Variants in RTN4RL1 observed in about 807,000 individuals in gnomAD.
RTN4RL1 encodes the protein reticulon-4 receptor-like 1.
RTN4RL1 carries 7 observed loss-of-function variants against 25.6 expected under a neutral mutation model. The ratio of observed to expected loss-of-function variants is 0.27; its 90% CI spans 0.16 to 0.51. The LOEUF (loss-of-function observed/expected upper bound fraction) is 0.51. Ranked by LOEUF, RTN4RL1 falls within the 20% of genes least tolerant of loss-of-function variation. The pLI, the probability that RTN4RL1 is intolerant of heterozygous loss-of-function variation, is 0.97. For missense variants in RTN4RL1, 500 were observed against 615.6 expected (o/e 0.81, Z 1.99); for synonymous variants, 297 against 288.2 (o/e 1.03, Z -0.31).
At chr17:2,019,887 A>G (rs532256356) in intron 1 of RTN4RL1, 2 of 152,336 alleles carry the variant, frequency 1.3e-5, no homozygotes, top group East Asian at 1.9e-4. Context: ...CACATTTTCT[A>G]TGTTGTCTGA....
chr17:2,000,930 GA>G (rs2066954215), intron 1 of RTN4RL1, among the ~76,000 whole-genome samples: 1 of 152,210 alleles, frequency 6.6e-6, no homozygotes, highest in Admixed American at 6.5e-5. Context: ...ATACTGCATG[GA>G]AACAGCTGTG....
At chr17:2,006,256 C>G (rs1056800212) in intron 1 of RTN4RL1, among the ~76,000 whole-genome samples, 7 of 151,680 alleles carry the variant, frequency 4.6e-5, no homozygotes, top group Admixed American at 2.0e-4. Context: ...CTCCCAGGTT[C>G]AAGCAATTCT....
chr17:1,991,895 G>C (rs2066910517), intron 1 of RTN4RL1, among the ~76,000 whole-genome samples: 2 of 152,164 alleles, frequency 1.3e-5, no homozygotes, highest in South Asian at 4.1e-4. Flanking sequence ...AAGTGGAATT[G>C]CTCTATTTAC....
chr17:1,996,665 G>A (rs1039276097), intron 1 of RTN4RL1, among the ~76,000 whole-genome samples: 1 of 152,248 alleles, frequency 6.6e-6, no homozygotes, highest in Non-Finnish European at 1.5e-5. Context: ...GTAAACAGCA[G>A]ACGCCTTTGA....
intron 1 of RTN4RL1, among the ~76,000 whole-genome samples, chr17:1,992,911 T>C (rs959248194): frequency 6.6e-6 from 1 of 152,192 alleles, no homozygotes; most frequent in Non-Finnish European, 1.5e-5. Context: ...TCTCTTTGAA[T>C]GGATGCGGCC....
chr17:1,939,447 G>T (rs1309888567), intron 1 of RTN4RL1, among the ~76,000 whole-genome samples: 2 of 151,946 alleles, frequency 1.3e-5, no homozygotes, highest in Non-Finnish European at 2.9e-5. Context: ...TCCTGAGAGG[G>T]CGCCTGTCTG....
At chr17:1,948,233 A>C (rs1002474309) in intron 1 of RTN4RL1, among the ~76,000 whole-genome samples, 1 of 152,124 alleles carries the variant, frequency 6.6e-6, no homozygotes, top group Non-Finnish European at 1.5e-5. Flanking sequence ...AGCCAGCCCC[A>C]CCTGGTCCTG....
At position 1,973,191 on chromosome 17, in the gene RTN4RL1, C is replaced by T. The variant is rs546910593; in HGVS notation, c.14-35383G>A. Among the ~76,000 whole-genome samples, 13 of 151,946 alleles carry T rather than the reference C, an allele frequency of 8.6e-5. No individual in the cohort carries two copies. In the South Asian group the frequency reaches 1.7e-3, roughly 20 times the overall value. Reference sequence around the variant, plus strand: ...CGGCCTGGCCAACATGGCAAAACCCCGTCTCTACTAAAAATACAAAAAAAT... The same window carrying T: ...CGGCCTGGCCAACATGGCAAAACCCTGTCTCTACTAAAAATACAAAAAAAT... On this transcript the variant is annotated intron_variant, in intron 1 of 1. Transcript: ENST00000331238.
rs368763192 is a variant in RTN4RL1, at chr17:1,937,481, C to T, written c.341G>A (p.Arg114Gln). ...CTGGAAGGTCTCGGGTGCCAGCGTCCGCAGCTGCCGGTTGTCGCCGAGGTC... is the reference window on the plus strand; with the variant it reads ...CTGGAAGGTCTCGGGTGCCAGCGTCTGCAGCTGCCGGTTGTCGCCGAGGTC... ...ELDLGDNRQL[R>Q]TLAPETFQGL... Residue 114 changes from arginine to glutamine, a missense_variant, in exon 2 of 2, where the codon CGG becomes CAG. Arg to Gln is a conservative substitution (Grantham distance 43). This residue lies in a region of RTN4RL1 where 232 missense variants were observed against 341.1 expected (regional missense o/e 0.68). Coordinates refer to ENST00000331238, the MANE Select transcript of RTN4RL1 (RefSeq NM_178568.4). The T allele has an allele frequency of 8.7e-6, 14 of 1,613,790 alleles. No homozygotes were observed. The highest frequency in any genetic ancestry group is 1.6e-4 in the Middle Eastern group (1 of 6,084).
chr17:1,985,324 C>A (rs1269075656), intron 1 of RTN4RL1, among the ~76,000 whole-genome samples: 2 of 152,190 alleles, frequency 1.3e-5, no homozygotes, highest in Non-Finnish European at 2.9e-5. Context: ...GTGGGCCTTC[C>A]CTCTACCTTT....
chr17:1,983,051 CTT>C (rs574037990), intron 1 of RTN4RL1, among the ~76,000 whole-genome samples: 5 of 147,058 alleles, frequency 3.4e-5, no homozygotes, highest in Non-Finnish European at 1.5e-5. Flanking sequence ...TCTTCTTCTT[CTT>C]TTTTTTTTTT....
At chr17:1,963,774 C>A (rs575154107) in intron 1 of RTN4RL1, among the ~76,000 whole-genome samples, 1 of 152,214 alleles carries the variant, frequency 6.6e-6, no homozygotes, top group East Asian at 1.9e-4. Context: ...TCTTGTTGCC[C>A]GGGCTGGAGT....
intron 1 of RTN4RL1, among the ~76,000 whole-genome samples, chr17:1,997,522 T>G (rs963914849): frequency 1.3e-5 from 2 of 152,256 alleles, no homozygotes; most frequent in Non-Finnish European, 2.9e-5. Context: ...TGTCTGGTAG[T>G]CGACAAGTAT....
chr17:1,955,017 C>A (rs1465551104), intron 1 of RTN4RL1, among the ~76,000 whole-genome samples: 1 of 152,116 alleles, frequency 6.6e-6, no homozygotes, highest in African/African-American at 2.4e-5. Context: ...CTTGAGATGC[C>A]TGCAGTCTCT....
intron 1 of RTN4RL1, among the ~76,000 whole-genome samples, chr17:2,001,745 G>C (rs979874087): frequency 2.0e-5 from 3 of 152,140 alleles, no homozygotes; most frequent in East Asian, 1.9e-4. Context: ...CCTTGTTCTC[G>C]AGCAGCCCCT....
rs373073010 is a variant in RTN4RL1 at position 1,936,694 on chromosome 17, C to T, written c.1128G>A (p.Glu376=). 7.8e-5 allele frequency: 124 copies of T among 1,583,068 alleles called. No individual in the cohort carries two copies. The highest frequency in any genetic ancestry group is 1.5e-4 in the Admixed American group (8 of 54,114). Residue 376 remains glutamate (E), a synonymous_variant, in exon 2 of 2, where the codon GAG becomes GAA. Coordinates refer to ENST00000331238, the MANE Select transcript of RTN4RL1 (RefSeq NM_178568.4). ...GGTAGTCTGGGGCATAGTCTGGCAG[C>T]TCGGGGGCCTGTTTCCCGGCGCCCG... The part of the protein sequence containing the change: ...SKAGAGKQAP[E]LPDYAPDYQH...
At chr17:1,938,394 C>T (rs546074196) in intron 1 of RTN4RL1, among the ~76,000 whole-genome samples, 12 of 152,074 alleles carry the variant, frequency 7.9e-5, no homozygotes, top group South Asian at 4.2e-4. Flanking sequence ...CCTCCGCCTC[C>T]GGGGTTCAAG....
chr17:1,937,240 C>T lies in RTN4RL1; in HGVS notation c.582G>A (p.Arg194=), dbSNP rs1416734105. The T allele has an allele frequency of 2.5e-6, 4 of 1,612,060 alleles. No homozygotes were observed. The highest frequency in any genetic ancestry group is 3.3e-5 in the Admixed American group (2 of 60,010). The change falls in exon 2 of 2, where the codon CGG becomes CGA. Residue 194 remains arginine (R), a synonymous_variant. Transcript: ENST00000331238. ...AAAGACGGTCCAGGTTCACCAGGCC[C>T]CGGAAGGTGCCCGGGCCCAGACTCC... ...KLWSLGPGTF[R]GLVNLDRLLL...
chr17:1,964,689 A>G (rs2066781106), intron 1 of RTN4RL1, among the ~76,000 whole-genome samples: 2 of 151,532 alleles, frequency 1.3e-5, no homozygotes, highest in Non-Finnish European at 2.9e-5. Flanking sequence ...CCGAGATCAC[A>G]CCAGTGCACT....
Sources: allele counts gnomAD v4.1 joint callset (sites outside exome capture counted in the v4.1 genomes callset), GRCh38; gene constraint gnomAD v4.1.1; regional missense constraint gnomAD v4.1.1; transcripts MANE v1.5; gene names NCBI Gene and HGNC (gene_info 2026-07-23, HGNC 2026-07-21).